FOXN3: variants seen among roughly 807,000 people sequenced by gnomAD.
FOXN3 encodes forkhead box protein N3.
Under a neutral mutation model 38.4 loss-of-function variants are expected in FOXN3, and 7 were observed. The ratio of observed to expected loss-of-function variants is 0.18; its 90% CI spans 0.10 to 0.34. The LOEUF (loss-of-function observed/expected upper bound fraction) is 0.34. Among genes scored for constraint, FOXN3 ranks in the 10% least tolerant of loss-of-function variants. FOXN3 has a pLI of 1.00. For missense variants in FOXN3, 456 were observed against 613.4 expected (o/e 0.74, Z 2.71); for synonymous variants, 230 against 242.2 (o/e 0.95, Z 0.47).
intron 1 of FOXN3, among the ~76,000 whole-genome samples, chr14:89,489,042 A>G (rs1380681718): frequency 2.0e-5 from 3 of 152,204 alleles, no homozygotes; most frequent in Non-Finnish European, 2.9e-5. Context: ...TTGGTAGGTG[A>G]ACAAGGGGGT....
chr14:89,548,840 C>T lies in FOXN3; in HGVS notation c.-15+70188G>A, dbSNP rs1430712511. ...AGGTATTCAGTTTTTTATAATGTGC[C>T]GGGCGCGGTGGCTCACGCCTGTAAT... is the stretch of plus-strand genomic sequence containing the variant. On this transcript the variant is annotated intron_variant, in intron 1 of 6. Transcript: ENST00000345097. The surrounding 1 kb of genome is among the most constrained non-coding windows in gnomAD (Gnocchi z 4.8). 2.0e-5 allele frequency among the ~76,000 whole-genome samples: 3 copies of T among 151,996 alleles called. No homozygotes were observed. The highest frequency in any genetic ancestry group is 2.9e-5 in the Non-Finnish European group (2 of 68,008).
intron 4 of FOXN3, among the ~76,000 whole-genome samples, chr14:89,237,693 C>CTT (rs1885019856): frequency 6.6e-6 from 1 of 152,114 alleles, no homozygotes; most frequent in Non-Finnish European, 1.5e-5. Context: ...AAACTGACCA[C>CTT]CCCTCCCCCT....
chr14:89,257,884 G>C (rs1238522149), intron 4 of FOXN3, among the ~76,000 whole-genome samples: 1 of 152,156 alleles, frequency 6.6e-6, no homozygotes, highest in African/African-American at 2.4e-5. Context: ...GAGTGGCATG[G>C]GTGCCTGTGA....
chr14:89,392,048 T>C (rs1188694664), intron 2 of FOXN3, among the ~76,000 whole-genome samples: 3 of 152,092 alleles, frequency 2.0e-5, no homozygotes, highest in Admixed American at 6.6e-5. Flanking sequence ...CATCAAAAAA[T>C]GGAGAGGAAA....
At chr14:89,353,609 G>C (rs1889070234) in intron 2 of FOXN3, 1 of 152,158 alleles carries the variant, frequency 6.6e-6, no homozygotes, top group African/African-American at 2.4e-5. Flanking sequence ...CCTTGCTAGG[G>C]AAGCTACTAT....
At chr14:89,165,444 T>A (rs1028942027) in intron 5 of FOXN3, among the ~76,000 whole-genome samples, 1 of 152,166 alleles carries the variant, frequency 6.6e-6, no homozygotes, top group South Asian at 2.1e-4. Flanking sequence ...CTCTGAGCAG[T>A]CTTGTTTTCT....
rs144141968 is a variant in FOXN3 at position 89,434,864 on chromosome 14, G to A, written c.-14-22374C>T. ...TATGTATCTTGTTCTTTGCACTCCG[G>A]TAGTTATTGTCTGCCAGTTTAGAAA... is the stretch of plus-strand genomic sequence containing the variant. On this transcript the variant is annotated intron_variant, in intron 1 of 6. Transcript: ENST00000345097. 2.9e-3 allele frequency among the ~76,000 whole-genome samples: 445 copies of A among 152,224 alleles called. 2 individuals carry two copies. The highest frequency in any genetic ancestry group is 1.0e-2 in the African/African-American group (414 of 41,532).
intron 1 of FOXN3, among the ~76,000 whole-genome samples, chr14:89,602,736 T>C (rs912012718): frequency 2.0e-5 from 3 of 152,100 alleles, no homozygotes; most frequent in Non-Finnish European, 4.4e-5. Context: ...GACCTTGTGA[T>C]CCACCTGCCT....
At chr14:89,571,798 A>G (rs912981637) in intron 1 of FOXN3, among the ~76,000 whole-genome samples, 4 of 152,226 alleles carry the variant, frequency 2.6e-5, no homozygotes, top group Non-Finnish European at 5.9e-5. Context: ...AAAGCTTCAA[A>G]GCCAACACAA....
Position 89,237,422 on chromosome 14 carries a change from T to C in FOXN3, c.745+43528A>G, listed in dbSNP as rs146177639. Among the ~76,000 whole-genome samples the C allele has an allele frequency of 4.1e-4, 63 of 152,366 alleles. 1 individual carries two copies. In the Middle Eastern group the frequency reaches 0.024, roughly 58 times the overall value. On this transcript the variant is annotated intron_variant, in intron 4 of 5. Coordinates refer to ENST00000557258, the MANE Select transcript of FOXN3 (RefSeq NM_005197.4). ...GGTACAGATACTCTGGAAAATAGTTTAGCGGTTTGTTAAAAAACTAAACAT... is the reference window on the plus strand; with the variant it reads ...GGTACAGATACTCTGGAAAATAGTTCAGCGGTTTGTTAAAAAACTAAACAT...
At chr14:89,483,470 G>A (rs926437307) in intron 1 of FOXN3, among the ~76,000 whole-genome samples, 3 of 152,042 alleles carry the variant, frequency 2.0e-5, no homozygotes, top group African/African-American at 7.3e-5. Flanking sequence ...ATGCAATAGC[G>A]CGATCTCGGC....
intron 2 of FOXN3, among the ~76,000 whole-genome samples, chr14:89,397,062 A>T (rs1467958168): frequency 6.6e-6 from 1 of 152,208 alleles, no homozygotes; most frequent in African/African-American, 2.4e-5. Flanking sequence ...GACAGATTGC[A>T]TAAAGATGTG....
At chr14:89,521,250 C>T (rs1894309342) in intron 1 of FOXN3, among the ~76,000 whole-genome samples, 1 of 151,728 alleles carries the variant, frequency 6.6e-6, no homozygotes, top group Non-Finnish European at 1.5e-5. Flanking sequence ...TCAGACGTTG[C>T]AGTGAGCCAA....
At chr14:89,444,605 A>G (rs1427511621) in intron 1 of FOXN3, among the ~76,000 whole-genome samples, 1 of 152,182 alleles carries the variant, frequency 6.6e-6, no homozygotes, top group African/African-American at 2.4e-5. Flanking sequence ...TATCATTTAC[A>G]ACCCCACAGA....
At chr14:89,235,331 AG>A (rs1228035692) in intron 4 of FOXN3, among the ~76,000 whole-genome samples, 7 of 152,214 alleles carry the variant, frequency 4.6e-5, no homozygotes, top group Admixed American at 2.6e-4. Flanking sequence ...AAGAAAGCCC[AG>A]AAGATAAGCT....
rs535081050 is a variant in FOXN3 at position 89,510,590 on chromosome 14, C to A, written c.-14-98100G>T. Among the ~76,000 whole-genome samples, 9 of 152,146 alleles carry A rather than the reference C, an allele frequency of 5.9e-5. No individual in the cohort carries two copies. In the South Asian group the frequency reaches 1.7e-3, roughly 28 times the overall value. On this transcript the variant is annotated intron_variant, in intron 1 of 6. Coordinates refer to the FOXN3 transcript ENST00000345097. The stretch of plus-strand genomic sequence containing the variant: ...TCCACCTCGACTCTCAGAGGAACCA[C>A]AAGCACAGTCACACTCAGAGCGACA...
At chr14:89,358,095 C>T (rs1889308650) in intron 2 of FOXN3, among the ~76,000 whole-genome samples, 1 of 151,940 alleles carries the variant, frequency 6.6e-6, no homozygotes, top group South Asian at 2.1e-4. Context: ...CCAACGGCTT[C>T]TCAAAGTACA....
intron 4 of FOXN3, among the ~76,000 whole-genome samples, chr14:89,181,497 C>G (rs1277181510): frequency 4.6e-5 from 7 of 152,210 alleles, no homozygotes; most frequent in Admixed American, 4.6e-4. Flanking sequence ...CACAGTTCAT[C>G]CCCCCAGGCG....
chr14:89,414,961 A>T (rs1340508952), intron 1 of FOXN3, among the ~76,000 whole-genome samples: 3 of 152,160 alleles, frequency 2.0e-5, no homozygotes, highest in Non-Finnish European at 4.4e-5. Context: ...CTTTCTGTCA[A>T]ATAAGGAGGT....
Sources: allele counts gnomAD v4.1 joint callset (sites outside exome capture counted in the v4.1 genomes callset), GRCh38; gene constraint gnomAD v4.1.1; non-coding constraint Gnocchi (gnomAD v3.1); transcripts MANE v1.5; gene names NCBI Gene and HGNC (gene_info 2026-07-23, HGNC 2026-07-21).